Variants in ZXDC observed in about 807,000 individuals in gnomAD.
ZXDC encodes ZXD family zinc finger C, also known as zinc finger protein ZXDC.
ZXDC carries 58 observed loss-of-function variants against 63.6 expected under a neutral mutation model. That is an observed-to-expected ratio of 0.91 (90% confidence interval 0.74 to 1.13). The LOEUF (loss-of-function observed/expected upper bound fraction) is 1.13. Ranked by LOEUF, ZXDC falls within the 50% of genes most tolerant of loss-of-function variation. ZXDC has a pLI of 0.00. For synonymous variants in ZXDC, 561 were observed against 496.1 expected, an observed-to-expected ratio of 1.13 and a Z score of -1.74; for missense variants, 1,133 against 1,148.9, an observed-to-expected ratio of 0.99 and a Z score of 0.20.
chr3:126,467,039 G>A (rs1934797395), intron 4 of ZXDC, among the ~76,000 whole-genome samples: 1 of 152,162 alleles, frequency 6.6e-6, no homozygotes, highest in Non-Finnish European at 1.5e-5. Context: ...CCTGGTAGGG[G>A]CAAATAGAAC....
intron 7 of ZXDC, chr3:126,454,014 G>A (rs1488897599): frequency 1.4e-5 from 11 of 808,218 alleles, no homozygotes; most frequent in South Asian, 1.1e-4. Context: ...TATATAAGCA[G>A]TACTATATAT....
rs368770553 is a variant in ZXDC, at chr3:126,451,272, TA to T, written c.2212+8380del. On this transcript the variant is annotated intron_variant, in intron 7 of 9. Coordinates refer to ENST00000389709, the MANE Select transcript of ZXDC (RefSeq NM_025112.5). ...ATGTGTACTACTGCTTGTTTCCAGG[TA>T]AATGTACACAAAAATTTGTCTCTCA... The T allele has an allele frequency of 8.7e-4, 859 of 985,398 alleles. 6 individuals are homozygous for T. The African/African-American group carries it at 0.014, about 16-fold the overall frequency. The allele number at this position is 985,398 out of a possible 1,614,324, so 61.0% of individuals were successfully genotyped here.
chr3:126,453,628 G>A (rs938931508), intron 7 of ZXDC: 153 of 985,286 alleles, frequency 1.6e-4, no homozygotes, highest in Non-Finnish European at 1.8e-4. Flanking sequence ...GAAGTCACTG[G>A]CTCAAGAGCT....
chr3:126,453,788 G>A (rs1298621094), intron 7 of ZXDC: 15 of 977,000 alleles, frequency 1.5e-5, no homozygotes, highest in East Asian at 1.1e-4. Flanking sequence ...TCTGCCTCCC[G>A]GGTTCAAGCG....
intron 7 of ZXDC, chr3:126,454,424 C>T: frequency 2.0e-6 from 2 of 985,416 alleles, no homozygotes; most frequent in Non-Finnish European, 2.4e-6. Flanking sequence ...TGTCCCCATG[C>T]TTTTTCCTTG....
intron 7 of ZXDC, chr3:126,457,307 C>T: frequency 1.0e-6 from 1 of 985,402 alleles, no homozygotes; most frequent in Non-Finnish European, 1.2e-6. Flanking sequence ...AACACTGTGA[C>T]AAGACACACA....
At chr3:126,454,307 T>G in intron 7 of ZXDC, 2 of 984,670 alleles carry the variant, frequency 2.0e-6, no homozygotes, top group Non-Finnish European at 2.4e-6. Context: ...TTTACATTGT[T>G]TGATATTATA....
At chr3:126,448,298 T>C (rs768256457) in intron 7 of ZXDC, among the ~76,000 whole-genome samples, 11 of 152,236 alleles carry the variant, frequency 7.2e-5, no homozygotes, top group Admixed American at 7.2e-4. Context: ...CTTCACCACA[T>C]GGCAGGTGCT....
intron 7 of ZXDC, chr3:126,442,379 T>C (rs1439838047): frequency 1.3e-5 from 2 of 154,984 alleles, no homozygotes; most frequent in Non-Finnish European, 2.9e-5. Flanking sequence ...CTGCTGCCTC[T>C]GTCCAGCTCC....
rs927713813 is a variant in ZXDC at position 126,438,031 on chromosome 3, A to G, written c.*344T>C. Reference sequence around the variant, plus strand: ...GACTAGACAGCCTGTTCTCTACCCTATTTCCTGCAGAAGTCTTTTTCTTTG... The same window carrying G: ...GACTAGACAGCCTGTTCTCTACCCTGTTTCCTGCAGAAGTCTTTTTCTTTG... On this transcript the variant is annotated 3_prime_UTR_variant, in exon 10 of 10. Transcript: ENST00000389709. 10 of 301,778 alleles carry G rather than the reference A, an allele frequency of 3.3e-5. No individual in the cohort carries two copies. Among genetic ancestry groups the G allele is most frequent in the Non-Finnish European group, 6.3e-5 (10 of 158,858 alleles). 18.7% of individuals were successfully genotyped at this position (301,778 alleles called of 1,614,324 possible).
chr3:126,453,475 T>A, intron 7 of ZXDC: 1 of 985,464 alleles, frequency 1.0e-6, no homozygotes, highest in East Asian at 1.1e-4. Context: ...TTTGGCTACA[T>A]CCCTTGTGTT....
At position 126,462,117 on chromosome 3, in the gene ZXDC, G is replaced by A; in HGVS notation, c.1545C>T (p.Phe515=). 6.2e-7 allele frequency: 1 copy of A among 1,613,964 alleles called. No homozygotes were observed. Among genetic ancestry groups the A allele is most frequent in the Non-Finnish European group, 8.5e-7 (1 of 1,180,030 alleles). ...CACTAGCATTGGCAGGTGTGTCAGA[G>A]AAGAGTGCAGCAAGATCCATGTTAG... ...ELTNMDLAAL[F]SDTPANASGS... The change falls in exon 6 of 10, where the codon TTC becomes TTT. Residue 515 remains phenylalanine, a synonymous_variant. Coordinates refer to ENST00000389709, the MANE Select transcript of ZXDC (RefSeq NM_025112.5).
At chr3:126,471,477 T>C (rs1934978159) in intron 3 of ZXDC, among the ~76,000 whole-genome samples, 1 of 152,208 alleles carries the variant, frequency 6.6e-6, no homozygotes, top group South Asian at 2.1e-4. Context: ...ATTTTTATAT[T>C]AAATCCTCAG....
rs1217802012 is a variant in ZXDC, at chr3:126,475,476, G to A, written c.390C>T (p.Thr130=). ...GCACCAGCAGGTCCTGGCTGCTGAT[G>A]GTGACGGCGCCCGCCGGGGCTACGC... ...GPGVAPAGAV[T]ISSQDLLVRL... is the part of the protein sequence containing the mutation. Residue 130 remains threonine, a synonymous_variant, in exon 1 of 10, where the codon ACC becomes ACT. Transcript: ENST00000389709. 2 of 1,213,662 alleles carry A rather than the reference G, an allele frequency of 1.6e-6. No individual in the cohort carries two copies. Among genetic ancestry groups the A allele is most frequent in the Non-Finnish European group, 2.0e-6 (2 of 978,474 alleles). 75.2% of individuals were successfully genotyped at this position (1,213,662 alleles called of 1,614,324 possible). A position where few individuals can be genotyped will look rare whatever the true frequency, so the allele number is the denominator to read the frequency against.
intron 6 of ZXDC, chr3:126,460,932 A>G: frequency 6.1e-6 from 6 of 985,196 alleles, no homozygotes; most frequent in Non-Finnish European, 7.2e-6. Context: ...CTAGGTCAGG[A>G]AAGTCAGACT....
At chr3:126,441,657 C>A in intron 8 of ZXDC, 108 bp downstream of exon 8, 1 of 1,433,300 alleles carries the variant, frequency 7.0e-7, no homozygotes, top group Non-Finnish European at 9.1e-7. Context: ...GGCAGGCAGG[C>A]AGGGGGTGCT....
intron 7 of ZXDC, 81 bp downstream of exon 7, chr3:126,459,572 C>G (rs1934438426): frequency 6.2e-7 from 1 of 1,602,710 alleles, no homozygotes; most frequent in Non-Finnish European, 8.5e-7. Context: ...ACAGAAACAC[C>G]TGCTGTGTTT....
intron 7 of ZXDC, among the ~76,000 whole-genome samples, chr3:126,446,435 G>A (rs1025869910): frequency 4.6e-5 from 7 of 152,222 alleles, no homozygotes; most frequent in African/African-American, 1.7e-4. Flanking sequence ...AATTAGGTGA[G>A]GTCAACAGCA....
intron 7 of ZXDC, among the ~76,000 whole-genome samples, chr3:126,447,035 C>T (rs560790975): frequency 5.3e-5 from 8 of 152,326 alleles, no homozygotes; most frequent in Non-Finnish European, 8.8e-5. Flanking sequence ...GCTGCTCACA[C>T]GACAGGTCCT....
Sources: gnomAD v4.1 joint callset for allele counts (sites outside exome capture counted in the v4.1 genomes callset) on GRCh38, gnomAD v4.1.1 for gene constraint, MANE v1.5 for transcripts, NCBI Gene and HGNC (gene_info 2026-07-23, HGNC 2026-07-21) for gene names.